Variants in SYBU observed in about 807,000 individuals in gnomAD.
SYBU encodes syntabulin.
A neutral mutation model predicts 35.9 loss-of-function variants in SYBU; 21 were observed. That is an observed-to-expected ratio of 0.58 (90% CI 0.41 to 0.84). SYBU has a LOEUF of 0.84. Ranked by LOEUF, SYBU falls within the 40% of genes least tolerant of loss-of-function variation. The pLI is 0.00. For synonymous variants in SYBU, 319 were observed against 324.3 expected (o/e 0.98, Z 0.18); for missense variants, 768 against 848.2 (o/e 0.91, Z 1.17).
intron 2 of SYBU, among the ~76,000 whole-genome samples, chr8:109,625,129 C>T (rs980497263): frequency 4.0e-5 from 6 of 149,846 alleles, no homozygotes; most frequent in Admixed American, 6.7e-5. Flanking sequence ...AGAAAATGTG[C>T]TTTTTTTAAA....
At chr8:109,623,031 GCA>G (rs71305963) in intron 2 of SYBU, among the ~76,000 whole-genome samples, 3,949 of 150,778 alleles carry the variant, frequency 0.026, 149 homozygotes, top group African/African-American at 0.091. Context: ...GTGCGCGCGC[GCA>G]CACACACACA....
At chr8:109,625,822 T>C (rs2130456819) in intron 2 of SYBU, among the ~76,000 whole-genome samples, 1 of 152,350 alleles carries the variant, frequency 6.6e-6, no homozygotes, top group South Asian at 2.1e-4. Flanking sequence ...ATTTTATAGA[T>C]ACATCCTTGG....
chr8:109,666,405 A>G (rs1816754771), intron 1 of SYBU, among the ~76,000 whole-genome samples: 1 of 152,070 alleles, frequency 6.6e-6, no homozygotes, highest in Admixed American at 6.6e-5. Flanking sequence ...CATTACAAAT[A>G]AAAAACGTCT....
At chr8:109,683,349 A>T (rs1242659911), upstream of SYBU, among the ~76,000 whole-genome samples, 1 of 152,248 alleles carries the variant, frequency 6.6e-6, no homozygotes. Context: ...GATGTGAGAC[A>T]TGAAGTCAAA....
At position 109,691,283 on chromosome 8, in the gene SYBU, C is replaced by G. The variant is rs892491119; in HGVS notation, c.-58+50G>C. The G allele has an allele frequency of 1.4e-5, 10 of 696,878 alleles. No individual in the cohort carries two copies. The highest frequency in any genetic ancestry group is 2.7e-5 in the East Asian group (1 of 36,504). 43.2% of individuals were successfully genotyped at this position (696,878 alleles called of 1,614,324 possible). On this transcript the variant is annotated intron_variant, in intron 1 of 7. Transcript: ENST00000422135. The surrounding 1 kb of genome is among the most constrained non-coding windows in gnomAD (Gnocchi z 4.7). ...TACCGAAGACCATCAGTTGCCCTCCCGTGTCCGCGGGCACTGACAGCAGAG... is the reference window on the plus strand; with the variant it reads ...TACCGAAGACCATCAGTTGCCCTCCGGTGTCCGCGGGCACTGACAGCAGAG...
At chr8:109,604,711 C>T (rs1221202726) in intron 3 of SYBU, among the ~76,000 whole-genome samples, 2 of 152,204 alleles carry the variant, frequency 1.3e-5, no homozygotes. Flanking sequence ...GAGCAATCTG[C>T]AGATTCTAAA....
chr8:109,587,514 G>A (rs1823756219), intron 3 of SYBU, among the ~76,000 whole-genome samples: 1 of 152,126 alleles, frequency 6.6e-6, no homozygotes, highest in African/African-American at 2.4e-5. Context: ...AGGGGAACAG[G>A]AGAAGTTCTT....
chr8:109,645,471 G>A (rs1815562176), upstream of SYBU: 1 of 377,842 alleles, frequency 2.6e-6, no homozygotes, highest in African/African-American at 2.1e-5. Context: ...TTTCCCCAGC[G>A]CTGCCCTGCA....
chr8:109,616,861 C>A (rs113364314), intron 3 of SYBU, among the ~76,000 whole-genome samples: 1,653 of 151,978 alleles, frequency 0.011, 34 homozygotes, highest in African/African-American at 0.038. Context: ...ATGGTAGGGC[C>A]AGCACAGTGG....
intron 1 of SYBU, among the ~76,000 whole-genome samples, chr8:109,667,207 C>T (rs1344871860): frequency 6.6e-6 from 1 of 151,306 alleles, no homozygotes; most frequent in Non-Finnish European, 1.5e-5. Flanking sequence ...ACCTCCACCT[C>T]CCGGGTTCAG....
At chr8:109,603,013 G>C (rs1311178300) in intron 3 of SYBU, among the ~76,000 whole-genome samples, 1 of 152,224 alleles carries the variant, frequency 6.6e-6, no homozygotes, top group Admixed American at 6.5e-5. Flanking sequence ...CAGGAAAGCA[G>C]GTGGAAAGCA....
In SYBU at chr8:109,644,726, C is replaced by A; in HGVS notation, c.-67G>T. On this transcript the variant is annotated 5_prime_UTR_variant, in exon 1 of 7. Coordinates refer to ENST00000276646, the MANE Select transcript of SYBU (RefSeq NM_001099754.2). ...GTCCAGGAGGAGGCACCTGCGAGCA[C>A]GGAGCGAGGAGACTGCGCTGAGCCG... is the stretch of plus-strand genomic sequence containing the variant. 1 of 1,439,396 alleles carries A rather than the reference C, an allele frequency of 6.9e-7. No individual in the cohort carries two copies. Among genetic ancestry groups the A allele is most frequent in the Non-Finnish European group, 9.1e-7 (1 of 1,100,942 alleles). The allele number at this position is 1,439,396 out of a possible 1,614,324, so 89.2% of individuals were successfully genotyped here.
chr8:109,654,270 C>G (rs1052825605), intron 1 of SYBU, among the ~76,000 whole-genome samples: 2 of 152,190 alleles, frequency 1.3e-5, no homozygotes, highest in Non-Finnish European at 2.9e-5. Flanking sequence ...AATCCCTACT[C>G]CACTCATGTA....
chr8:109,670,865 AGGAG>A (rs1440975658), intron 1 of SYBU, among the ~76,000 whole-genome samples: 1 of 152,082 alleles, frequency 6.6e-6, no homozygotes, highest in Non-Finnish European at 1.5e-5. Context: ...ACAAGAGGGA[AGGAG>A]GGAGGGAGGG....
intron 3 of SYBU, among the ~76,000 whole-genome samples, chr8:109,594,455 CAT>C (rs543693013): frequency 6.6e-5 from 10 of 152,142 alleles, no homozygotes; most frequent in Admixed American, 1.3e-4. Context: ...AAACAGATGA[CAT>C]AATTCACAAC....
intron 2 of SYBU, among the ~76,000 whole-genome samples, chr8:109,629,262 C>A (rs1176157531): frequency 1.3e-5 from 2 of 152,142 alleles, no homozygotes; most frequent in Non-Finnish European, 2.9e-5. Context: ...GAGAACAGAC[C>A]AAATCAGTGA....
rs1002235745 is a variant in SYBU at position 109,644,814 on chromosome 8, G to T, written c.-155C>A. On this transcript the variant is annotated 5_prime_UTR_variant, in exon 1 of 7. Coordinates refer to ENST00000276646, the MANE Select transcript of SYBU (RefSeq NM_001099754.2). ...ACGCGCCGCCGCCGCCACTGCCGCC[G>T]ATTGCTCTGGGCTCCGAGGGCACGC... 2 of 705,370 alleles carry T rather than the reference G, an allele frequency of 2.8e-6. No individual in the cohort carries two copies. The allele number at this position is 705,370 out of a possible 1,614,324, so 43.7% of individuals were successfully genotyped here.
At chr8:109,648,051 A>C (rs1485508640), upstream of SYBU, 4 of 152,148 alleles carry the variant, frequency 2.6e-5, no homozygotes, top group African/African-American at 9.7e-5. Flanking sequence ...ATATAATCTA[A>C]TACAGCATAA....
chr8:109,591,639 G>A (rs1326883205), intron 3 of SYBU, among the ~76,000 whole-genome samples: 2 of 148,076 alleles, frequency 1.4e-5, no homozygotes, highest in Non-Finnish European at 3.0e-5. Context: ...AGCCTCCCGA[G>A]TAGCTGGGAC....
Sources: gnomAD v4.1 joint callset for allele counts (sites outside exome capture counted in the v4.1 genomes callset) on GRCh38, gnomAD v4.1.1 for gene constraint, Gnocchi (gnomAD v3.1) non-coding constraint, MANE v1.5 for transcripts, NCBI Gene and HGNC (gene_info 2026-07-23, HGNC 2026-07-21) for gene names.